The following SPATA1 variants were observed in gnomAD, a reference collection of about 807,000 sequenced individuals.
SPATA1 encodes the protein spermatogenesis-associated protein 1.
A neutral mutation model predicts 59.6 loss-of-function variants in SPATA1; 57 were observed. The observed-to-expected ratio is 0.96, with a 90% CI of 0.77 to 1.19. The LOEUF (loss-of-function observed/expected upper bound fraction) is 1.19, where lower values mean the gene tolerates loss of function less well. SPATA1 is among the 50% of genes most tolerant of loss of function. The probability of loss-of-function intolerance (pLI) is 0.00; values close to 1 mark genes in which losing one functional copy is unlikely to be tolerated. For synonymous variants in SPATA1, 147 were observed against 163.9 expected (o/e 0.90, Z 0.79); for missense variants, 448 against 480.7 (o/e 0.93, Z 0.64).
chr1:84,546,656 T>C (rs1355062639), intron 10 of SPATA1, among the ~76,000 whole-genome samples: 2 of 152,116 alleles, frequency 1.3e-5, no homozygotes, highest in African/African-American at 4.8e-5. Context: ...CCCTCTGCCA[T>C]CTACTTCTCC....
chr1:84,507,333 A>G (rs1395321959), intron 1 of SPATA1: 2 of 152,224 alleles, frequency 1.3e-5, no homozygotes, highest in African/African-American at 4.8e-5. Flanking sequence ...AGTTTATATC[A>G]GTTCGCAAAA....
chr1:84,542,586 G>A (rs995489158), intron 8 of SPATA1, among the ~76,000 whole-genome samples: 7 of 151,902 alleles, frequency 4.6e-5, no homozygotes. Flanking sequence ...TATTATTTAT[G>A]TACAGTGCTG....
At chr1:84,563,315 CTATT>C in intron 4 of SPATA1, 1 of 1,596,618 alleles carries the variant, frequency 6.3e-7, no homozygotes, top group Non-Finnish European at 8.5e-7. Flanking sequence ...AGAAATAGAA[CTATT>C]TATTTGCTTC....
chr1:84,543,844 A>T (rs1284401023), intron 8 of SPATA1, among the ~76,000 whole-genome samples: 1 of 152,214 alleles, frequency 6.6e-6, no homozygotes, highest in Non-Finnish European at 1.5e-5. Flanking sequence ...TTCTAAGCAA[A>T]TATAATCAAA....
chr1:84,528,450 ATAGTT>A (rs1683323181), intron 6 of SPATA1, among the ~76,000 whole-genome samples: 1 of 152,190 alleles, frequency 6.6e-6, no homozygotes, highest in Non-Finnish European at 1.5e-5. Context: ...CCCTGATAAT[ATAGTT>A]TAGTTATGTC....
chr1:84,529,576 C>CTTTTTTTT (rs761561650), intron 6 of SPATA1, among the ~76,000 whole-genome samples: 35 of 91,362 alleles, frequency 3.8e-4, no homozygotes, highest in East Asian at 6.6e-4. Context: ...GGTAATATGC[C>CTTTTTTTT]TTTTTTTTTT....
intron 2 of SPATA1, among the ~76,000 whole-genome samples, chr1:84,516,658 C>T (rs1264688435): frequency 1.3e-5 from 2 of 152,084 alleles, no homozygotes; most frequent in East Asian, 3.9e-4. Flanking sequence ...GGTTGGTACC[C>T]TCCATATCTA....
intron 8 of SPATA1, among the ~76,000 whole-genome samples, chr1:84,538,300 G>T (rs1184393316): frequency 6.6e-6 from 1 of 152,146 alleles, no homozygotes; most frequent in Non-Finnish European, 1.5e-5. Context: ...AATTAGCAGA[G>T]AAAACCAAAA....
intron 12 of SPATA1, chr1:84,552,222 A>G (rs1018820530): frequency 6.6e-6 from 1 of 152,154 alleles, no homozygotes; most frequent in Non-Finnish European, 1.5e-5. Flanking sequence ...TCTTGCAACC[A>G]TATTTATTCA....
chr1:84,554,841 G>A (rs1684381786), downstream of SPATA1: 5 of 599,722 alleles, frequency 8.3e-6, no homozygotes, highest in East Asian at 5.7e-5. Flanking sequence ...GAGGACATTC[G>A]TGTGTATTTT....
chr1:84,532,974 G>T (rs1205591878), exon 7 of SPATA1: 2 of 1,543,248 alleles, frequency 1.3e-6, no homozygotes, highest in Admixed American at 3.9e-5. Flanking sequence ...ACTAAAAAAA[G>T]GTAATTAGTA....
At chr1:84,536,935 A>G (rs1404849817) in intron 8 of SPATA1, among the ~76,000 whole-genome samples, 1 of 144,144 alleles carries the variant, frequency 6.9e-6, no homozygotes, top group Non-Finnish European at 1.5e-5. Context: ...GCTAGAGTGC[A>G]GTGACACCAT....
At chr1:84,524,135 A>G (rs1380552236) in intron 4 of SPATA1, among the ~76,000 whole-genome samples, 1 of 152,050 alleles carries the variant, frequency 6.6e-6, no homozygotes, top group African/African-American at 2.4e-5. Context: ...TTTGAGAAAG[A>G]AGCAATATTT....
At chr1:84,538,585 C>T (rs966341410) in intron 8 of SPATA1, among the ~76,000 whole-genome samples, 1 of 152,114 alleles carries the variant, frequency 6.6e-6, no homozygotes, top group Non-Finnish European at 1.5e-5. Flanking sequence ...ATCCCCTTGC[C>T]CCAGCTACTA....
chr1:84,515,835 C>A (rs1682773521), intron 1 of SPATA1, among the ~76,000 whole-genome samples: 1 of 152,100 alleles, frequency 6.6e-6, no homozygotes, highest in Admixed American at 6.6e-5. Context: ...ATTCTATAGC[C>A]ATTTTAACTA....
At chr1:84,548,556 A>G (rs1191758773) in intron 10 of SPATA1, among the ~76,000 whole-genome samples, 3 of 147,730 alleles carry the variant, frequency 2.0e-5, no homozygotes, top group Non-Finnish European at 4.5e-5. Flanking sequence ...ACTATAAAAT[A>G]TATATATATT....
chr1:84,507,112 C>T (rs1184809199), intron 1 of SPATA1: 1 of 152,038 alleles, frequency 6.6e-6, no homozygotes, highest in Non-Finnish European at 1.5e-5. Context: ...TAGGCTCAGC[C>T]AGTAGGTCTT....
chr1:84,522,055 A>G (rs112422918), intron 3 of SPATA1, among the ~76,000 whole-genome samples: 3,950 of 152,302 alleles, frequency 0.026, 97 homozygotes, highest in Admixed American at 0.074. Context: ...ATTCATTGGT[A>G]TATGTATAAA....
intron 9 of SPATA1, among the ~76,000 whole-genome samples, chr1:84,544,633 T>G (rs1343316861): frequency 6.6e-6 from 1 of 152,098 alleles, no homozygotes; most frequent in Non-Finnish European, 1.5e-5. Context: ...TGATCTCAGC[T>G]CACTGCAACC....
Sources: gnomAD v4.1 joint callset for allele counts (sites outside exome capture counted in the v4.1 genomes callset) on GRCh38, gnomAD v4.1.1 for gene constraint, MANE v1.5 for transcripts, NCBI Gene and HGNC (gene_info 2026-07-23, HGNC 2026-07-21) for gene names.